The following VSIG2 variants were observed in gnomAD, a reference collection of about 807,000 sequenced individuals.
The protein encoded by VSIG2 is V-set and immunoglobulin domain-containing protein 2.
A neutral mutation model predicts 29.4 loss-of-function variants in VSIG2; 30 were observed. That is an observed-to-expected ratio of 1.02 (90% CI 0.76 to 1.38). The LOEUF is 1.38. Among genes scored for constraint, VSIG2 ranks in the 40% most tolerant of loss-of-function variants. The pLI is 0.00. For missense variants in VSIG2, 421 were observed against 400.8 expected, an observed-to-expected ratio of 1.05 and a Z score of -0.43; for synonymous variants, 178 against 174.2, an observed-to-expected ratio of 1.02 and a Z score of -0.17.
chr11:124,751,359 G>C, intron 2 of VSIG2, 64 bp downstream of exon 2: 1 of 1,593,816 alleles, frequency 6.3e-7, no homozygotes, highest in East Asian at 2.2e-5. Context: ...CCGACCCCAT[G>C]CCCTCATCCT....
rs376974429 is a variant in VSIG2 at position 124,749,885 on chromosome 11, A to ACAAAAACAAAAC, written c.428-20_428-19insGTTTTGTTTTTG. On this transcript the variant is annotated intron_variant, in intron 3 of 6. Coordinates refer to ENST00000326621, the MANE Select transcript of VSIG2 (RefSeq NM_014312.5). ...GGGGGAACTGCAAAAAAAAAAAAAAAAAAAAAAAAACAGAAAGTTCCTCAG... is the reference window on the plus strand; with the variant it reads ...GGGGGAACTGCAAAAAAAAAAAAAAACAAAAACAAAACAAAAAAAAAACAGAAAGTTCCTCAG... 4.9e-6 allele frequency: 7 copies of ACAAAAACAAAAC among 1,419,180 alleles called. No individual in the cohort carries two copies. In the African/African-American group the frequency reaches 1.1e-4, roughly 22 times the overall value. 87.9% of individuals were successfully genotyped at this position (1,419,180 alleles called of 1,614,324 possible).
intron 2 of VSIG2, 78 bp downstream of exon 2, chr11:124,751,345 C>G (rs2075712): frequency 6.4e-7 from 1 of 1,571,972 alleles, no homozygotes; most frequent in South Asian, 1.1e-5. Context: ...CCAAACTCCC[C>G]CTCCCGACCC....
chr11:124,750,866 A>T lies in VSIG2; in HGVS notation c.275T>A (p.Val92Asp). 6.2e-7 allele frequency: 1 copy of T among 1,613,802 alleles called. No individual in the cohort carries two copies. The highest frequency in any genetic ancestry group is 8.5e-7 in the Non-Finnish European group (1 of 1,179,938). ...LYPTGSKSKRVSLLQNPPTVG... is the reference protein window; with the variant it reads ...LYPTGSKSKRDSLLQNPPTVG... ...TGTGGGGGGGTTCTGAAGCAGGCTG[A>T]CCCGCTTTGACTTAGAACCAGTTGG... Residue 92 changes from valine to aspartate, a missense_variant, in exon 3 of 7, where the codon GTC becomes GAC. Coordinates refer to ENST00000326621, the MANE Select transcript of VSIG2 (RefSeq NM_014312.5).
Position 124,748,383 on chromosome 11 carries a change from T to C in VSIG2, c.851+7A>G. On this transcript the variant is annotated splice_region_variant and intron_variant, in intron 6 of 6. Coordinates refer to ENST00000326621, the MANE Select transcript of VSIG2 (RefSeq NM_014312.5). ...TCCTTGCGCCACCCCCCAGCCCTCC[T>C]GCTCACCGAAGGTCACTACCCCCAT... 1 of 1,599,952 alleles carries C rather than the reference T, an allele frequency of 6.3e-7. No individual in the cohort carries two copies. Among genetic ancestry groups the C allele is most frequent in the Non-Finnish European group, 8.5e-7 (1 of 1,173,000 alleles).
In VSIG2 at chr11:124,752,100, A is replaced by G. The variant is rs370823064; in HGVS notation, c.38T>C (p.Leu13Pro). 60 of 1,606,498 alleles carry G rather than the reference A, an allele frequency of 3.7e-5. No individual in the cohort carries two copies. The African/African-American group carries it at 7.2e-4, about 19-fold the overall frequency. ...ACCACTCAGGCACAGGAAGCCTAGC[A>G]GGGCCCCGCAGAGAAAGGGCCCCGG... ...ELPGPFLCGA[L>P]LGFLCLSGLA... Residue 13 changes from leucine to proline, a missense_variant, in exon 1 of 7, where the codon CTG becomes CCG. Leu to Pro is a moderately conservative substitution (Grantham distance 98, BLOSUM62 -3). Transcript: ENST00000326621.
In VSIG2 at chr11:124,752,131, C is replaced by T. The variant is rs773441220; in HGVS notation, c.7G>A (p.Glu3Lys). The T allele has an allele frequency of 5.0e-6, 8 of 1,598,732 alleles. No homozygotes were observed. The highest frequency in any genetic ancestry group is 6.8e-6 in the Non-Finnish European group (8 of 1,176,296). The change falls in exon 1 of 7, where the codon GAG becomes AAG. Residue 3 changes from glutamate (E) to lysine (K), a missense_variant. Glu to Lys is a moderately conservative substitution (Grantham distance 56). Transcript: ENST00000326621. ...CCGCAGAGAAAGGGCCCCGGGAGCTCGGCCATGGCCGCGTCCGGCCGTCCT... is the reference window on the plus strand; with the variant it reads ...CCGCAGAGAAAGGGCCCCGGGAGCTTGGCCATGGCCGCGTCCGGCCGTCCT... MA[E>K]LPGPFLCGAL...
rs775946222 is a variant in VSIG2 at position 124,749,850 on chromosome 11, G to A, written c.444C>T (p.Pro148=). Residue 148 remains proline, a synonymous_variant, in exon 4 of 7, where the codon CCC becomes CCT. Transcript: ENST00000326621. The part of the protein sequence containing the change: ...NLTVLVPPSN[P]LCSQSGQTSV... ...AGGTTTGTCCACTCTGACTGCATAA[G>A]GGATTACTGGGGGGAACTGCAAAAA... 2.0e-6 allele frequency: 3 copies of A among 1,491,488 alleles called. No homozygotes were observed. In the East Asian group the frequency reaches 7.3e-5, roughly 36 times the overall value. 92.4% of individuals were successfully genotyped at this position (1,491,488 alleles called of 1,614,324 possible).
At chr11:124,751,140 A>G (rs959105494) in intron 2 of VSIG2, among the ~76,000 whole-genome samples, 3 of 146,026 alleles carry the variant, frequency 2.1e-5, no homozygotes, top group African/African-American at 7.9e-5. Flanking sequence ...TCTCTCTCTC[A>G]AAGAGAGAGG....
rs1944056635 is a variant in VSIG2 at position 124,749,702 on chromosome 11, C to G, written c.586+6G>C. On this transcript the variant is annotated splice_donor_region_variant and intron_variant, in intron 4 of 6. Transcript: ENST00000326621. ...GTACCCTCTTCCTGATGCCCTGGGC[C>G]CTTACCTTGAACCATGCTGCCAGGA... 3 of 1,611,998 alleles carry G rather than the reference C, an allele frequency of 1.9e-6. No individual in the cohort carries two copies. The highest frequency in any genetic ancestry group is 2.5e-6 in the Non-Finnish European group (3 of 1,179,234).
At position 124,749,885 on chromosome 11, in the gene VSIG2, A is replaced by AAAAAAAAC; in HGVS notation, c.428-20_428-19insGTTTTTTT. The AAAAAAAAC allele has an allele frequency of 5.1e-5, 73 of 1,418,960 alleles. 1 individual carries two copies. Among genetic ancestry groups the AAAAAAAAC allele is most frequent in the Non-Finnish European group, 5.4e-5 (58 of 1,078,872 alleles). 87.9% of individuals were successfully genotyped at this position (1,418,960 alleles called of 1,614,324 possible). On this transcript the variant is annotated intron_variant, in intron 3 of 6. Coordinates refer to ENST00000326621, the MANE Select transcript of VSIG2 (RefSeq NM_014312.5). ...GGGGGAACTGCAAAAAAAAAAAAAA[A>AAAAAAAAC]AAAAAAAAAACAGAAAGTTCCTCAG...
chr11:124,748,783 T>C lies in VSIG2; in HGVS notation c.587-20A>G. On this transcript the variant is annotated intron_variant, in intron 4 of 6. Coordinates refer to ENST00000326621, the MANE Select transcript of VSIG2 (RefSeq NM_014312.5). ...CCTCATCTAGAGGATGAAGAGGAAGTGTTCCACGACTCATTCAACTCAGTG... is the reference window on the plus strand; with the variant it reads ...CCTCATCTAGAGGATGAAGAGGAAGCGTTCCACGACTCATTCAACTCAGTG... 1.9e-6 allele frequency: 3 copies of C among 1,614,136 alleles called. No individual in the cohort carries two copies. Among genetic ancestry groups the C allele is most frequent in the Non-Finnish European group, 2.5e-6 (3 of 1,180,016 alleles).
chr11:124,748,586 C>A (rs776476550), intron 5 of VSIG2, 52 bp from the exon 6 acceptor site: 3 of 1,606,946 alleles, frequency 1.9e-6, no homozygotes, highest in South Asian at 1.1e-5. Flanking sequence ...CTCGGCCCAC[C>A]AGCCGACAGC....
chr11:124,751,418 C>G lies in VSIG2; in HGVS notation c.219+5G>C. 1 of 1,611,286 alleles carries G rather than the reference C, an allele frequency of 6.2e-7. No homozygotes were observed. The highest frequency in any genetic ancestry group is 8.5e-7 in the Non-Finnish European group (1 of 1,179,994). ...CCCAGCTTCATGCAGTCGCTCTCAG[C>G]TCACTGGATGGGACTCAGAGATGGG... On this transcript the variant is annotated splice_donor_5th_base_variant and intron_variant, in intron 2 of 6. Transcript: ENST00000326621.
chr11:124,748,491 G>A lies in VSIG2; in HGVS notation c.750C>T (p.Leu250=), dbSNP rs771652589. ...CAACTGACAGCAACAGCACGCCCAG[G>A]AGCACCCCAATCAGAGCTCCGGCCA... The part of the protein sequence containing the change: ...GRVAGALIGV[L]LGVLLLSVAA... The change falls in exon 6 of 7, where the codon CTC becomes CTT. Residue 250 remains leucine (L), a synonymous_variant. Transcript: ENST00000326621. 21 of 1,614,040 alleles carry A rather than the reference G, an allele frequency of 1.3e-5. No individual in the cohort carries two copies. Among genetic ancestry groups the A allele is most frequent in the South Asian group, 3.3e-5 (3 of 91,090 alleles).
At chr11:124,748,048 T>TCTACAAGCCAC (rs1944036875) in intron 6 of VSIG2, 1 of 352,040 alleles carries the variant, frequency 2.8e-6, no homozygotes, top group Admixed American at 4.5e-5. Flanking sequence ...GACAAATCCA[T>TCTACAAGCCAC]TTCCTGGCAT....
chr11:124,748,045 C>A, intron 6 of VSIG2: 2 of 354,972 alleles, frequency 5.6e-6, no homozygotes, highest in Non-Finnish European at 1.0e-5. Context: ...CAGGACAAAT[C>A]CATTTCCTGG....
intron 5 of VSIG2, 38 bp downstream of exon 5, chr11:124,748,606 A>G (rs1173930800): frequency 6.2e-7 from 1 of 1,607,838 alleles, no homozygotes; most frequent in African/African-American, 1.3e-5. Flanking sequence ...CTTCCCCAAC[A>G]CAAGGCTGCT....
At chr11:124,752,024 G>C in intron 1 of VSIG2, 53 bp downstream of exon 1, 1 of 1,515,606 alleles carries the variant, frequency 6.6e-7, no homozygotes, top group Non-Finnish European at 8.8e-7. Flanking sequence ...AGCCGGGGAA[G>C]CCAGGCCTAT....
chr11:124,750,714 C>G lies in VSIG2; in HGVS notation c.427G>C (p.Val143Leu). The G allele has an allele frequency of 6.2e-7, 1 of 1,613,690 alleles. No individual in the cohort carries two copies. Among genetic ancestry groups the G allele is most frequent in the Non-Finnish European group, 8.5e-7 (1 of 1,179,788 alleles). ...CTCGTGGATCCCCAGTCTGCCTTAC[C>G]CAGCACAGTAAGGTTGATTAGCCCC... is the stretch of plus-strand genomic sequence containing the variant. ...GLGLINLTVLVPPSNPLCSQS... is the reference protein window; with the variant it reads ...GLGLINLTVLLPPSNPLCSQS... Residue 143 changes from valine (V) to leucine (L), a missense_variant and splice_region_variant, in exon 3 of 7, where the codon GTT becomes CTT. Transcript: ENST00000326621.
Sources: gnomAD v4.1 joint callset for allele counts (sites outside exome capture counted in the v4.1 genomes callset) on GRCh38, gnomAD v4.1.1 for gene constraint, MANE v1.5 for transcripts, NCBI Gene and HGNC (gene_info 2026-07-23, HGNC 2026-07-21) for gene names.